C10orf143: variants seen among roughly 807,000 people sequenced by gnomAD.
C10orf143 encodes uncharacterized protein C10orf143.
intron 3 of C10orf143, among the ~76,000 whole-genome samples, chr10:130,078,680 G>C (rs1192540390): frequency 1.3e-5 from 2 of 152,186 alleles, no homozygotes; most frequent in African/African-American, 2.4e-5. Context: ...GGTGATGGCT[G>C]TCATGGTTTC....
downstream of C10orf143, among the ~76,000 whole-genome samples, chr10:130,059,052 A>G (rs769308603): frequency 1.3e-5 from 2 of 152,238 alleles, no homozygotes; most frequent in Non-Finnish European, 2.9e-5. Context: ...TCAATGGAAA[A>G]GATGTGGTTA....
intron 1 of C10orf143, among the ~76,000 whole-genome samples, chr10:130,082,998 T>C (rs1174104221): frequency 1.3e-5 from 2 of 151,766 alleles, no homozygotes; most frequent in Non-Finnish European, 2.9e-5. Flanking sequence ...AAAAGATAAC[T>C]GATAAAAGGG....
intron 1 of C10orf143, among the ~76,000 whole-genome samples, chr10:130,087,340 T>C (rs1861306894): frequency 1.3e-5 from 2 of 152,188 alleles, no homozygotes; most frequent in South Asian, 2.1e-4. Context: ...ACTTGTACTA[T>C]ATGAACGAAA....
chr10:130,049,928 A>G lies in C10orf143; in HGVS notation c.298-13958T>C, dbSNP rs186445478. Among the ~76,000 whole-genome samples the G allele has an allele frequency of 2.6e-3, 401 of 152,346 alleles. 2 individuals are homozygous for G. The highest frequency in any genetic ancestry group is 9.2e-3 in the African/African-American group (382 of 41,584). ...GATGGTATTGCTACAGAATCAAAGG[A>G]GAGAAAGAGGAAAATACACCGATGG... On this transcript the variant is annotated intron_variant and NMD_transcript_variant, in intron 3 of 5. Transcript: ENST00000643056.
At chr10:130,103,053 A>G (rs1590036170) in intron 1 of C10orf143, among the ~76,000 whole-genome samples, 1 of 150,904 alleles carries the variant, frequency 6.6e-6, no homozygotes, top group South Asian at 2.1e-4. Context: ...ATCTCGGCTC[A>G]CTGCAACCTC....
chr10:130,079,514 T>C (rs1861170769), intron 3 of C10orf143, 52 bp downstream of exon 3: 1 of 398,942 alleles, frequency 2.5e-6, no homozygotes. Flanking sequence ...GGATCTAATA[T>C]TTAAGAAGAA....
downstream of C10orf143, among the ~76,000 whole-genome samples, chr10:130,060,626 A>G (rs145740678): frequency 1.3e-5 from 2 of 149,926 alleles, no homozygotes; most frequent in Non-Finnish European, 3.0e-5. Flanking sequence ...GATCGAGACC[A>G]TCCTGGCTAA....
intron 1 of C10orf143, among the ~76,000 whole-genome samples, chr10:130,082,986 T>A (rs980833838): frequency 6.6e-6 from 1 of 151,402 alleles, no homozygotes; most frequent in South Asian, 2.1e-4. Flanking sequence ...CTAAACAACA[T>A]CAAAAGATAA....
intron 1 of C10orf143, among the ~76,000 whole-genome samples, chr10:130,082,751 A>G (rs1861229937): frequency 6.6e-6 from 1 of 152,232 alleles, no homozygotes; most frequent in Non-Finnish European, 1.5e-5. Context: ...GACTAATACA[A>G]CCACATACAA....
chr10:130,042,649 C>T (rs1860620260), intron 3 of C10orf143, among the ~76,000 whole-genome samples: 1 of 152,238 alleles, frequency 6.6e-6, no homozygotes. Flanking sequence ...TGTTTGCTGT[C>T]AGGTTTGGAT....
rs1237819010 is a variant in C10orf143 at position 130,056,545 on chromosome 10, TGA to T, written c.298-20577_298-20576del. On this transcript the variant is annotated intron_variant and NMD_transcript_variant, in intron 3 of 5. Transcript: ENST00000643056. The surrounding 1 kb of genome is among the most constrained non-coding windows in gnomAD (Gnocchi z 4.6). The stretch of plus-strand genomic sequence containing the variant: ...CAGAGAAAGGGAAGGGTTGAGCCAT[TGA>T]GAGTTTTTTATTTCTTTCATTTTTT... 1.3e-5 allele frequency among the ~76,000 whole-genome samples: 2 copies of T among 152,100 alleles called. No individual in the cohort carries two copies. The highest frequency in any genetic ancestry group is 2.9e-5 in the Non-Finnish European group (2 of 68,016).
intron 1 of C10orf143, among the ~76,000 whole-genome samples, chr10:130,080,740 G>T (rs1861194218): frequency 6.6e-6 from 1 of 152,122 alleles, no homozygotes; most frequent in Admixed American, 6.6e-5. Context: ...TATCACTTTT[G>T]CAAAATGTGT....
intron 3 of C10orf143, chr10:130,066,811 G>A (rs747230798): frequency 6.6e-6 from 1 of 152,120 alleles, no homozygotes; most frequent in Non-Finnish European, 1.5e-5. Context: ...CAGACTCTGG[G>A]ACTCACAGAT....
chr10:130,044,750 C>T (rs545688490), intron 3 of C10orf143, among the ~76,000 whole-genome samples: 50 of 152,258 alleles, frequency 3.3e-4, no homozygotes, highest in Non-Finnish European at 1.6e-4. Context: ...TGTCAACGGA[C>T]CACTTGTCAG....
rs924535077 is a variant in C10orf143 at position 130,079,793 on chromosome 10, T to C, written c.178A>G (p.Arg60Gly). The stretch of plus-strand genomic sequence containing the variant: ...GGCCTTGGTGCTGGGAGGCAGCCTC[T>C]TGATGGAAGCTCCCGGTCCTCTGGG... ...WGPEDRELPS[R>G]GCLPAPRPES... The change falls in exon 2 of 4, where the codon AGA becomes GGA. Residue 60 changes from arginine to glycine, a missense_variant. By Grantham distance (125) the Arg-to-Gly change is moderately radical. Coordinates refer to ENST00000637128, the MANE Select transcript of C10orf143 (RefSeq NM_001355042.2). 15 of 398,572 alleles carry C rather than the reference T, an allele frequency of 3.8e-5. No individual in the cohort carries two copies. Among genetic ancestry groups the C allele is most frequent in the Non-Finnish European group, 8.8e-6 (2 of 226,104 alleles). The allele number at this position is 398,572 out of a possible 1,614,324, so 24.7% of individuals were successfully genotyped here. A position where few individuals can be genotyped will look rare whatever the true frequency, so the allele number is the denominator to read the frequency against.
At chr10:130,048,677 G>A (rs552532442) in intron 3 of C10orf143, among the ~76,000 whole-genome samples, 1 of 152,264 alleles carries the variant, frequency 6.6e-6, no homozygotes, top group East Asian at 1.9e-4. Context: ...TGTAGACCAC[G>A]CAATGCAGAG....
chr10:130,097,331 T>C (rs1176358847), intron 1 of C10orf143, among the ~76,000 whole-genome samples: 1 of 152,022 alleles, frequency 6.6e-6, no homozygotes, highest in South Asian at 2.1e-4. Flanking sequence ...CTTGGGAAGA[T>C]CATTTGAGGC....
chr10:130,076,782 G>A (rs550235642), intron 3 of C10orf143, among the ~76,000 whole-genome samples: 4 of 152,206 alleles, frequency 2.6e-5, no homozygotes, highest in African/African-American at 7.2e-5. Flanking sequence ...CTGTGCACAC[G>A]CAAGCCGCGC....
intron 1 of C10orf143, among the ~76,000 whole-genome samples, chr10:130,084,980 A>G (rs1246403411): frequency 3.9e-5 from 6 of 152,230 alleles, no homozygotes; most frequent in Non-Finnish European, 8.8e-5. Context: ...AATAAAAAAC[A>G]GCACTGGATA....
Sources: allele counts gnomAD v4.1 joint callset (sites outside exome capture counted in the v4.1 genomes callset), GRCh38; gene constraint gnomAD v4.1.1; non-coding constraint Gnocchi (gnomAD v3.1); transcripts MANE v1.5; gene names NCBI Gene and HGNC (gene_info 2026-07-23, HGNC 2026-07-21).